Variants in REEP1 observed in about 807,000 individuals in gnomAD.
REEP1 encodes receptor expression-enhancing protein 1.
Under a neutral mutation model 40.3 loss-of-function variants are expected in REEP1, and 22 were observed. The observed-to-expected ratio is 0.55, with a 90% CI of 0.39 to 0.78. The LOEUF (loss-of-function observed/expected upper bound fraction) is 0.78, where lower values mean the gene tolerates loss of function less well. Among genes scored for constraint, REEP1 ranks in the 30% least tolerant of loss-of-function variants. The probability of loss-of-function intolerance (pLI) is 0.00; values close to 1 mark genes in which losing one functional copy is unlikely to be tolerated. For synonymous variants in REEP1, 116 were observed against 139.2 expected, an observed-to-expected ratio of 0.83 and a Z score of 1.17; for missense variants, 280 against 361.1, an observed-to-expected ratio of 0.78 and a Z score of 1.82.
intron 3 of REEP1, among the ~76,000 whole-genome samples, chr2:86,260,403 C>T (rs1676795419): frequency 6.6e-6 from 1 of 152,158 alleles, no homozygotes; most frequent in Non-Finnish European, 1.5e-5. Flanking sequence ...GGATTCTACC[C>T]ATACCTGCAT....
chr2:86,286,756 C>T (rs944521377), intron 1 of REEP1, among the ~76,000 whole-genome samples: 3 of 152,186 alleles, frequency 2.0e-5, no homozygotes, highest in Non-Finnish European at 4.4e-5. Context: ...AGCTGTGGCA[C>T]TGCTGTTGCT....
intron 1 of REEP1, among the ~76,000 whole-genome samples, chr2:86,328,951 T>G (rs1163162481): frequency 6.6e-6 from 1 of 152,164 alleles, no homozygotes; most frequent in Non-Finnish European, 1.5e-5. Flanking sequence ...GGTGACAGTC[T>G]TTTATACCCT....
chr2:86,323,377 C>T (rs1214959390), intron 1 of REEP1, among the ~76,000 whole-genome samples: 3 of 152,146 alleles, frequency 2.0e-5, no homozygotes, highest in South Asian at 4.1e-4. Flanking sequence ...GGGCCCCCAA[C>T]CCCTGGGCTG....
At chr2:86,333,227 CT>C in intron 1 of REEP1, among the ~76,000 whole-genome samples, 1 of 152,110 alleles carries the variant, frequency 6.6e-6, no homozygotes, top group African/African-American at 2.4e-5. Context: ...ACGATATTTT[CT>C]TTTTTTTCCA....
chr2:86,285,478 C>T (rs1202549936), intron 1 of REEP1, among the ~76,000 whole-genome samples: 3 of 152,182 alleles, frequency 2.0e-5, no homozygotes, highest in Admixed American at 6.5e-5. Context: ...AAGCTGTACT[C>T]ACTCTTTCAA....
chr2:86,309,219 C>T (rs979824496), intron 1 of REEP1, among the ~76,000 whole-genome samples: 7 of 152,206 alleles, frequency 4.6e-5, no homozygotes, highest in African/African-American at 1.2e-4. Context: ...CTCGGCCTCC[C>T]GTCAGCACCC....
intron 2 of REEP1, among the ~76,000 whole-genome samples, chr2:86,269,135 A>G (rs979442527): frequency 5.9e-5 from 9 of 152,222 alleles, no homozygotes; most frequent in African/African-American, 2.2e-4. Context: ...AAAATCGTTA[A>G]GTTGGACTTC....
intron 5 of REEP1, 54 bp downstream of exon 5, chr2:86,251,903 G>T: frequency 8.2e-7 from 1 of 1,213,024 alleles, no homozygotes; most frequent in South Asian, 1.2e-5. Flanking sequence ...GTGATGAGCA[G>T]GGCACACTAG....
At chr2:86,299,432 C>T (rs970538350) in intron 1 of REEP1, among the ~76,000 whole-genome samples, 15 of 152,218 alleles carry the variant, frequency 9.9e-5, no homozygotes, top group African/African-American at 3.1e-4. Context: ...CAGAGCAAAA[C>T]AGCCCCTGCT....
intron 1 of REEP1, among the ~76,000 whole-genome samples, chr2:86,328,390 T>C (rs937779284): frequency 1.3e-5 from 2 of 152,158 alleles, no homozygotes; most frequent in Non-Finnish European, 2.9e-5. Flanking sequence ...TCTGTGAAAG[T>C]AAGAAAGGAG....
intron 1 of REEP1, among the ~76,000 whole-genome samples, chr2:86,312,058 C>T (rs1285889859): frequency 6.6e-6 from 1 of 152,184 alleles, no homozygotes; most frequent in African/African-American, 2.4e-5. Flanking sequence ...CGCCAAGACT[C>T]GGGTTCAGCC....
intron 2 of REEP1, 98 bp from the exon 3 acceptor site, chr2:86,264,139 C>G: frequency 1.2e-6 from 1 of 862,260 alleles, no homozygotes; most frequent in Middle Eastern, 2.2e-4. Flanking sequence ...TACGGAGGCA[C>G]GTCCAGGTGG....
rs538707315 is a variant in REEP1, at chr2:86,248,548, A to G, written c.417+3409T>C. ...CTGCAGTTTCTACCTCCCGGGCTCA[A>G]GCGATGATCCTCCTGCCTCTGCCTC... is the stretch of plus-strand genomic sequence containing the variant. On this transcript the variant is annotated intron_variant, in intron 5 of 8. Coordinates refer to ENST00000538924, the MANE Select transcript of REEP1 (RefSeq NM_001371279.1). Among the ~76,000 whole-genome samples, 9 of 152,198 alleles carry G rather than the reference A, an allele frequency of 5.9e-5. No homozygotes were observed. In the South Asian group the frequency reaches 1.2e-3, roughly 21 times the overall value.
At chr2:86,277,491 G>A (rs1185083851) in intron 2 of REEP1, among the ~76,000 whole-genome samples, 1 of 151,876 alleles carries the variant, frequency 6.6e-6, no homozygotes, top group African/African-American at 2.4e-5. Context: ...AGGAGGCAGA[G>A]GTTGCAGTGA....
chr2:86,337,397 G>A lies in REEP1; in HGVS notation c.32+82C>T. On this transcript the variant is annotated intron_variant, in intron 1 of 8. Transcript: ENST00000538924. The surrounding 1 kb of genome is among the most constrained non-coding windows in gnomAD (Gnocchi z 5.8). ...ATTAATAGCCCGAGCCACTGGGACC[G>A]GGCGCTGTAGGGGCGCGCGCAGCCC... is the stretch of plus-strand genomic sequence containing the variant. 1 of 962,858 alleles carries A rather than the reference G, an allele frequency of 1.0e-6. No individual in the cohort carries two copies. The highest frequency in any genetic ancestry group is 1.3e-6 in the Non-Finnish European group (1 of 752,488). The allele number at this position is 962,858 out of a possible 1,614,324, so 59.6% of individuals were successfully genotyped here. A position where few individuals can be genotyped will look rare whatever the true frequency, so the allele number is the denominator to read the frequency against.
At chr2:86,303,530 TA>T (rs34567019) in intron 1 of REEP1, among the ~76,000 whole-genome samples, 7 of 148,834 alleles carry the variant, frequency 4.7e-5, no homozygotes, top group South Asian at 4.3e-4. Flanking sequence ...CCTGGCTAAT[TA>T]AAAAAAAAAA....
At chr2:86,266,491 C>T (rs1467308793) in intron 2 of REEP1, among the ~76,000 whole-genome samples, 3 of 150,828 alleles carry the variant, frequency 2.0e-5, no homozygotes, top group Non-Finnish European at 4.4e-5. Flanking sequence ...CGGTGGCCGG[C>T]GCCTGTAGTC....
At chr2:86,297,929 A>G (rs190057380) in intron 1 of REEP1, among the ~76,000 whole-genome samples, 1 of 152,326 alleles carries the variant, frequency 6.6e-6, no homozygotes, top group East Asian at 1.9e-4. Flanking sequence ...TATAAATAGT[A>G]TAATTTGGCA....
intron 1 of REEP1, among the ~76,000 whole-genome samples, chr2:86,304,981 G>A (rs1679417338): frequency 1.3e-5 from 2 of 152,102 alleles, no homozygotes; most frequent in African/African-American, 2.4e-5. Flanking sequence ...GACACTTCAT[G>A]CTAAGACAGA....
Sources: gnomAD v4.1 joint callset for allele counts (sites outside exome capture counted in the v4.1 genomes callset) on GRCh38, gnomAD v4.1.1 for gene constraint, Gnocchi (gnomAD v3.1) non-coding constraint, MANE v1.5 for transcripts, NCBI Gene and HGNC (gene_info 2026-07-23, HGNC 2026-07-21) for gene names.